The following CAMKMT variants were observed in gnomAD, a reference collection of about 807,000 sequenced individuals.
CAMKMT encodes calmodulin-lysine N-methyltransferase.
CAMKMT carries 53 observed loss-of-function variants against 48.0 expected under a neutral mutation model. That is an observed-to-expected ratio of 1.10 (90% confidence interval 0.89 to 1.39). The LOEUF (loss-of-function observed/expected upper bound fraction) is 1.39, where lower values mean the gene tolerates loss of function less well. CAMKMT is among the 40% of genes most tolerant of loss of function. The probability of loss-of-function intolerance (pLI) is 0.00; values close to 1 mark genes in which losing one functional copy is unlikely to be tolerated. For missense variants in CAMKMT, 428 were observed against 402.7 expected (o/e 1.06, Z -0.54); for synonymous variants, 165 against 152.3 (o/e 1.08, Z -0.61).
chr2:44,521,403 C>T (rs1053358228), intron 3 of CAMKMT, among the ~76,000 whole-genome samples: 32 of 151,978 alleles, frequency 2.1e-4, no homozygotes, highest in Admixed American at 1.4e-3. Flanking sequence ...CTCAGCTTCC[C>T]GAGTAGCTGG....
intron 3 of CAMKMT, among the ~76,000 whole-genome samples, chr2:44,448,276 G>GA (rs1297116503): frequency 6.6e-6 from 1 of 151,760 alleles, no homozygotes; most frequent in African/African-American, 2.4e-5. Context: ...GCCTTTAGTT[G>GA]AAAAAAAATC....
At chr2:44,660,045 C>T (rs1021715059) in intron 3 of CAMKMT, among the ~76,000 whole-genome samples, 3 of 152,146 alleles carry the variant, frequency 2.0e-5, no homozygotes, top group Non-Finnish European at 4.4e-5. Flanking sequence ...AAAATATTTA[C>T]AAACTCATTC....
chr2:44,384,212 T>G (rs1680543925), intron 2 of CAMKMT, among the ~76,000 whole-genome samples: 1 of 152,244 alleles, frequency 6.6e-6, no homozygotes, highest in South Asian at 2.1e-4. Flanking sequence ...GATTTGCTTT[T>G]CCCTGATCAC....
intron 3 of CAMKMT, among the ~76,000 whole-genome samples, chr2:44,462,837 T>C (rs1239139700): frequency 1.3e-5 from 2 of 152,228 alleles, no homozygotes; most frequent in South Asian, 4.1e-4. Context: ...TTTTGCTTTT[T>C]CTCCTTGCAC....
At chr2:44,560,608 C>G (rs1185905153) in intron 3 of CAMKMT, among the ~76,000 whole-genome samples, 1 of 151,990 alleles carries the variant, frequency 6.6e-6, no homozygotes, top group Non-Finnish European at 1.5e-5. Flanking sequence ...ATTGACCAGT[C>G]TAAAAAGAAA....
chr2:44,493,117 G>C (rs189983036), intron 3 of CAMKMT, among the ~76,000 whole-genome samples: 1 of 151,702 alleles, frequency 6.6e-6, no homozygotes, highest in Non-Finnish European at 1.5e-5. Context: ...GGCTGGTCTC[G>C]AGCTCCTGAC....
intron 3 of CAMKMT, among the ~76,000 whole-genome samples, chr2:44,523,017 T>A (rs931425872): frequency 6.6e-6 from 1 of 152,170 alleles, no homozygotes; most frequent in Non-Finnish European, 1.5e-5. Context: ...CATTTTTTAT[T>A]TATGCTTCAG....
intron 3 of CAMKMT, among the ~76,000 whole-genome samples, chr2:44,432,897 C>T (rs970098024): frequency 2.0e-5 from 3 of 151,308 alleles, no homozygotes; most frequent in Admixed American, 1.3e-4. Context: ...GTTAATTTTC[C>T]GTGGCTATTG....
chr2:44,424,600 C>T (rs944748162), intron 3 of CAMKMT, among the ~76,000 whole-genome samples: 34 of 152,232 alleles, frequency 2.2e-4, no homozygotes, highest in African/African-American at 7.7e-4. Flanking sequence ...TAAAAAGGAA[C>T]GAATTAATGG....
chr2:44,475,403 C>T (rs549716765), intron 3 of CAMKMT, among the ~76,000 whole-genome samples: 18 of 151,790 alleles, frequency 1.2e-4, no homozygotes, highest in South Asian at 4.2e-4. Context: ...TTGCAACCTC[C>T]GCCTCCTGGG....
chr2:44,591,073 G>T (rs1056678875), intron 3 of CAMKMT, among the ~76,000 whole-genome samples: 1 of 151,726 alleles, frequency 6.6e-6, no homozygotes, highest in African/African-American at 2.4e-5. Context: ...TAGATATGTG[G>T]CGTTATTTCT....
chr2:44,603,475 C>A (rs1671117046), intron 3 of CAMKMT, among the ~76,000 whole-genome samples: 1 of 152,164 alleles, frequency 6.6e-6, no homozygotes, highest in Non-Finnish European at 1.5e-5. Context: ...TATTGCCACA[C>A]AACAAAATAC....
intron 6 of CAMKMT, 97 bp downstream of exon 6, chr2:44,707,559 AAG>A (rs1677633156): frequency 1.0e-6 from 1 of 999,190 alleles, no homozygotes; most frequent in Middle Eastern, 2.1e-4. Context: ...GGGGTATTAA[AAG>A]AGAGTTTCCC....
chr2:44,649,554 A>G (rs568806265), intron 3 of CAMKMT, among the ~76,000 whole-genome samples: 1 of 152,140 alleles, frequency 6.6e-6, no homozygotes, highest in Non-Finnish European at 1.5e-5. Flanking sequence ...GAAGACAGGC[A>G]TCTGCTGGGT....
intron 3 of CAMKMT, among the ~76,000 whole-genome samples, chr2:44,458,952 A>G (rs546165300): frequency 6.6e-6 from 1 of 152,212 alleles, no homozygotes; most frequent in Non-Finnish European, 1.5e-5. Context: ...GTATAAAAAT[A>G]AGACAAGTAG....
At chr2:44,661,446 G>C (rs931873884) in intron 3 of CAMKMT, among the ~76,000 whole-genome samples, 2 of 151,246 alleles carry the variant, frequency 1.3e-5, no homozygotes, top group African/African-American at 4.9e-5. Context: ...CTCCTTAGCA[G>C]CTGGGATTAC....
At chr2:44,741,083 T>C (rs1158590486) in intron 7 of CAMKMT, among the ~76,000 whole-genome samples, 1 of 152,198 alleles carries the variant, frequency 6.6e-6, no homozygotes, top group Non-Finnish European at 1.5e-5. Flanking sequence ...AAAATAAATG[T>C]TTAGAAACAC....
chr2:44,574,981 C>T (rs1021380751), intron 3 of CAMKMT, among the ~76,000 whole-genome samples: 7 of 152,072 alleles, frequency 4.6e-5, no homozygotes, highest in Non-Finnish European at 4.4e-5. Context: ...GTCTCGAACT[C>T]CTGACCTCAA....
intron 1 of CAMKMT, chr2:44,369,676 A>C (rs1170131152): frequency 6.6e-6 from 1 of 152,214 alleles, no homozygotes; most frequent in Non-Finnish European, 1.5e-5. Flanking sequence ...GCTGTGCCAT[A>C]ACTATAGATT....
Sources: allele counts gnomAD v4.1 joint callset (sites outside exome capture counted in the v4.1 genomes callset), GRCh38; gene constraint gnomAD v4.1.1; transcripts MANE v1.5; gene names NCBI Gene and HGNC (gene_info 2026-07-23, HGNC 2026-07-21).